Variants in RNF123 observed in about 807,000 individuals in gnomAD.
The protein encoded by RNF123 is ring finger protein 123.
In RNF123, 86 loss-of-function variants were observed where a neutral mutation model predicts 168.5. That is an observed-to-expected ratio of 0.51 (90% CI 0.43 to 0.61). The LOEUF is 0.61. Ranked by LOEUF, RNF123 falls within the 20% of genes least tolerant of loss-of-function variation. The pLI is 0.00. For missense variants in RNF123, 1,419 were observed against 1,729.7 expected (o/e 0.82, Z 3.19); for synonymous variants, 666 against 689.1 (o/e 0.97, Z 0.52).
chr3:49,714,118 G>T lies in RNF123; in HGVS notation c.2954G>T (p.Arg985Leu), dbSNP rs776678354. The stretch of plus-strand genomic sequence containing the variant: ...TGTGGCTTCGGGTACCGCTATACAC[G>T]GCTGCCACATCTGCTGAAAACCAAA... ...RGCGFGYRYT[R>L]LPHLLKTKLE... Residue 985 changes from arginine (R) to leucine (L), a missense_variant, in exon 31 of 39, where the codon CGG (arginine) becomes CTG (leucine). Arg to Leu is a moderately radical substitution (Grantham distance 102, BLOSUM62 -2). Coordinates refer to ENST00000327697, the MANE Select transcript of RNF123 (RefSeq NM_022064.5). 8.7e-6 allele frequency: 14 copies of T among 1,614,066 alleles called. No homozygotes were observed. Among genetic ancestry groups the T allele is most frequent in the Non-Finnish European group, 1.2e-5 (14 of 1,180,024 alleles).
chr3:49,710,488 C>T (rs898253249), intron 26 of RNF123, among the ~76,000 whole-genome samples: 17 of 151,238 alleles, frequency 1.1e-4, no homozygotes, highest in African/African-American at 4.1e-4. Flanking sequence ...CCTTGTTGGT[C>T]AGGCTGGTCT....
At chr3:49,705,493 G>C (rs1559679624) in intron 23 of RNF123, 41 bp from the exon 24 acceptor site, 2 of 1,541,554 alleles carry the variant, frequency 1.3e-6, no homozygotes, top group Non-Finnish European at 8.7e-7. Context: ...AGGAGAGCCG[G>C]GATGGCCCTA....
At chr3:49,705,763 G>C (rs780780910) in intron 24 of RNF123, 84 bp downstream of exon 24, 25 of 1,579,306 alleles carry the variant, frequency 1.6e-5, no homozygotes, top group Admixed American at 1.8e-5. Context: ...ACATGGGCCC[G>C]CAGGGCTGCC....
intron 20 of RNF123, among the ~76,000 whole-genome samples, chr3:49,703,048 G>A (rs1019358437): frequency 6.6e-6 from 1 of 152,182 alleles, no homozygotes. Flanking sequence ...CCTTTATAGG[G>A]CTGCCTTGGG....
chr3:49,718,080 C>T (rs759028741), intron 35 of RNF123: 14 of 1,613,492 alleles, frequency 8.7e-6, no homozygotes, highest in South Asian at 1.1e-5. Flanking sequence ...CATTGAGGCC[C>T]CTCCGGCCTG....
In RNF123 at chr3:49,721,408, C is replaced by A; in HGVS notation, c.*103C>A. The A allele has an allele frequency of 7.0e-7, 1 of 1,423,306 alleles. No homozygotes were observed. Among genetic ancestry groups the A allele is most frequent in the Non-Finnish European group, 9.9e-7 (1 of 1,007,386 alleles). The allele number at this position is 1,423,306 out of a possible 1,614,324, so 88.2% of individuals were successfully genotyped here. ...TGCCCTTCTCCTGTATCCCACACCA[C>A]CACATCCAACCTCCTTGCCTGCCTG... On this transcript the variant is annotated 3_prime_UTR_variant, in exon 39 of 39. Transcript: ENST00000327697.
At chr3:49,698,197 C>A in intron 7 of RNF123, 60 bp downstream of exon 7, 1 of 1,433,270 alleles carries the variant, frequency 7.0e-7, no homozygotes, top group Non-Finnish European at 9.8e-7. Context: ...TGCCACAGGC[C>A]TCATCAGGTC....
chr3:49,714,106 A>G lies in RNF123; in HGVS notation c.2942A>G (p.Tyr981Cys), dbSNP rs960941411. Residue 981 changes from tyrosine (Y) to cysteine (C), a missense_variant, in exon 31 of 39, where the codon TAC becomes TGC. By Grantham distance (194) the Tyr-to-Cys change is radical. Transcript: ENST00000327697. The part of the protein sequence containing the change: ...VRLWRGCGFG[Y>C]RYTRLPHLLK... ...CCTCCACAGGGCTGTGGCTTCGGGT[A>G]CCGCTATACACGGCTGCCACATCTG... 2 of 1,614,044 alleles carry G rather than the reference A, an allele frequency of 1.2e-6. No homozygotes were observed. Among genetic ancestry groups the G allele is most frequent in the South Asian group, 1.1e-5 (1 of 91,086 alleles).
intron 35 of RNF123, chr3:49,718,365 G>A (rs758352733): frequency 1.9e-6 from 3 of 1,613,394 alleles, no homozygotes; most frequent in Non-Finnish European, 2.5e-6. Flanking sequence ...CGCTCACGTT[G>A]TACTCGTGCG....
intron 25 of RNF123, among the ~76,000 whole-genome samples, 177 bp downstream of exon 25, chr3:49,706,242 TG>T (rs1049117787): frequency 2.0e-5 from 3 of 152,228 alleles, no homozygotes; most frequent in African/African-American, 7.2e-5. Flanking sequence ...CAGTGTGGCC[TG>T]TGCCTAGGTG....
At position 49,720,637 on chromosome 3, in the gene RNF123, C is replaced by T. The variant is rs765623041; in HGVS notation, c.3627C>T (p.Arg1209=). 13 of 1,601,066 alleles carry T rather than the reference C, an allele frequency of 8.1e-6. 1 individual carries two copies. In the South Asian group the frequency reaches 1.3e-4, roughly 16 times the overall value. Residue 1209 remains arginine, a synonymous_variant, in exon 36 of 39, where the codon CGC becomes CGT. Transcript: ENST00000327697. ...GTALPAPDRK[R]FSLQSYADYI... ...CTCTGCCAGCCCCTGACCGGAAGCG[C>T]TTCTCCCTGCAGAGCTGTGAGTGGG...
rs551937200 is a variant in RNF123 at position 49,700,685 on chromosome 3, G to T, written c.1253G>T (p.Arg418Leu). 4.3e-6 allele frequency: 7 copies of T among 1,614,164 alleles called. No individual in the cohort carries two copies. Among genetic ancestry groups the T allele is most frequent in the African/African-American group, 2.7e-5 (2 of 75,044 alleles). ...TIAILRHEKS[R>L]KFLLSNVLFD... ...GCCATCCTGAGGCATGAGAAGTCCC[G>T]CAAGTTTCTGCTTAGCAATGTCCTG... The change falls in exon 15 of 39, where the codon CGC (arginine) becomes CTC (leucine). Residue 418 changes from arginine (R) to leucine (L), a missense_variant. Arg to Leu is a moderately radical substitution (Grantham distance 102). Coordinates refer to ENST00000327697, the MANE Select transcript of RNF123 (RefSeq NM_022064.5).
chr3:49,720,722 A>AAAGTC lies in RNF123; in HGVS notation c.3643+70_3644-73dup, dbSNP rs531462100. 2.6e-3 allele frequency: 4,198 copies of AAAGTC among 1,606,118 alleles called. 10 individuals carry two copies. Among genetic ancestry groups the AAAGTC allele is most frequent in the Middle Eastern group, 3.6e-3 (22 of 6,034 alleles). On this transcript the variant is annotated intron_variant, in intron 36 of 38. Transcript: ENST00000327697. The stretch of plus-strand genomic sequence containing the variant: ...TCGGGTCAGGAGCCTTAAGAACAGC[A>AAAGTC]AAGTCCTAGGCTGGGAATATTCAAG...
chr3:49,698,710 G>C (rs368827884), intron 8 of RNF123, 45 bp from the exon 9 acceptor site: 8 of 1,601,048 alleles, frequency 5.0e-6, no homozygotes, highest in Admixed American at 1.7e-5. Context: ...GAGTCAGCAG[G>C]CTGCTGGGCT....
In RNF123 at chr3:49,702,880, T is replaced by C. The variant is rs951036261; in HGVS notation, c.1750+127T>C. 63 of 1,422,794 alleles carry C rather than the reference T, an allele frequency of 4.4e-5. No homozygotes were observed. The Admixed American group carries it at 1.1e-3, about 25-fold the overall frequency. 88.1% of individuals were successfully genotyped at this position (1,422,794 alleles called of 1,614,324 possible). On this transcript the variant is annotated intron_variant, in intron 20 of 38. Transcript: ENST00000327697. ...GGGGAGTTGTCCCCGGCATCCTGCCTGGTTGAGTCCTACCCAGCCACAGGC... is the reference window on the plus strand; with the variant it reads ...GGGGAGTTGTCCCCGGCATCCTGCCCGGTTGAGTCCTACCCAGCCACAGGC...
Position 49,705,587 on chromosome 3 carries a change from C to G in RNF123, c.2212C>G (p.Pro738Ala). 5.6e-6 allele frequency: 9 copies of G among 1,612,204 alleles called. No homozygotes were observed. The highest frequency in any genetic ancestry group is 5.1e-6 in the Non-Finnish European group (6 of 1,179,288). Reference sequence around the variant, plus strand: ...GCTGCTGGGGCGGCCCCCCGAGGAGCCTGAGCAGCCCCTCACCGAGAACTC... The same window carrying G: ...GCTGCTGGGGCGGCCCCCCGAGGAGGCTGAGCAGCCCCTCACCGAGAACTC... ...GLLLGRPPEEPEQPLTENSLL... is the reference protein window; with the variant it reads ...GLLLGRPPEEAEQPLTENSLL... Residue 738 changes from proline to alanine, a missense_variant, in exon 24 of 39, where the codon CCT becomes GCT. Pro to Ala is a conservative substitution (Grantham distance 27, BLOSUM62 -1). Transcript: ENST00000327697.
intron 35 of RNF123, chr3:49,719,274 C>A: frequency 2.5e-6 from 4 of 1,613,464 alleles, no homozygotes; most frequent in Middle Eastern, 1.7e-4. Context: ...GGTCGAGGTC[C>A]GCAGTAGCGG....
At chr3:49,718,999 AG>A (rs2080320476) in intron 35 of RNF123, 1 of 1,613,754 alleles carries the variant, frequency 6.2e-7, no homozygotes, top group South Asian at 1.1e-5. Context: ...GAGCGCGCGC[AG>A]GCCGTGGAAG....
intron 3 of RNF123, among the ~76,000 whole-genome samples, chr3:49,695,910 G>A (rs1178059944): frequency 2.6e-5 from 4 of 152,170 alleles, no homozygotes; most frequent in Non-Finnish European, 5.9e-5. Context: ...AGGATGAGGG[G>A]GCCACCCAGA....
Sources: gnomAD v4.1 joint callset for allele counts (sites outside exome capture counted in the v4.1 genomes callset) on GRCh38, gnomAD v4.1.1 for gene constraint, MANE v1.5 for transcripts, NCBI Gene and HGNC (gene_info 2026-07-23, HGNC 2026-07-21) for gene names.